Variants in HYAL4 observed in about 807,000 individuals in gnomAD.
HYAL4 encodes the protein hyaluronidase-4.
In HYAL4, 37 loss-of-function variants were observed where a neutral mutation model predicts 35.2. That is an observed-to-expected ratio of 1.05 (90% confidence interval 0.81 to 1.38). The LOEUF is 1.38. HYAL4 is among the 40% of genes most tolerant of loss of function. The pLI is 0.00. For missense variants in HYAL4, 572 were observed against 572.4 expected, an observed-to-expected ratio of 1.00 and a Z score of 0.01; for synonymous variants, 198 against 203.2, an observed-to-expected ratio of 0.97 and a Z score of 0.22.
chr7:123,794,412 C>G, the HYAL4 span, among the ~76,000 whole-genome samples: 2 of 152,314 alleles, frequency 1.3e-5, no homozygotes, highest in South Asian at 4.1e-4. Context: ...CAGGGCATGT[C>G]GAGACCTTTG....
At chr7:123,770,440 T>TAAAAAA in the HYAL4 span, among the ~76,000 whole-genome samples, 2 of 118,506 alleles carry the variant, frequency 1.7e-5, no homozygotes, top group Non-Finnish European at 3.6e-5. Context: ...AGACTCCATC[T>TAAAAAA]AAAAAAAAAA....
At chr7:123,851,479 G>A (rs1806304835) in intron 2 of HYAL4, among the ~76,000 whole-genome samples, 1 of 152,100 alleles carries the variant, frequency 6.6e-6, no homozygotes. Context: ...ACTTACGAGT[G>A]AGAACATGCG....
At chr7:123,872,037 A>T (rs1325970519) in intron 3 of HYAL4, among the ~76,000 whole-genome samples, 6 of 152,162 alleles carry the variant, frequency 3.9e-5, no homozygotes. Context: ...TACAGGGTGC[A>T]AGTGCAGTTT....
rs116802717 is a variant in HYAL4, at chr7:123,865,538, T to C, written c.-51-2685T>C. 3.9e-3 allele frequency among the ~76,000 whole-genome samples: 595 copies of C among 152,302 alleles called. 5 individuals carry two copies. The highest frequency in any genetic ancestry group is 0.014 in the African/African-American group (566 of 41,576). ...ATTCAGCTTTGTGCATGGAGGAGTA[T>C]ATTCAATAAATGAAAATATCTACCT... On this transcript the variant is annotated intron_variant, in intron 2 of 4. Transcript: ENST00000223026.
chr7:123,770,356 G>A, the HYAL4 span, among the ~76,000 whole-genome samples: 1 of 151,574 alleles, frequency 6.6e-6, no homozygotes, highest in African/African-American at 2.4e-5. Context: ...GCAGGAGAAT[G>A]GCGTGAACCC....
the HYAL4 span, among the ~76,000 whole-genome samples, chr7:123,781,544 A>C: frequency 6.7e-6 from 1 of 150,172 alleles, no homozygotes; most frequent in Non-Finnish European, 1.5e-5. Flanking sequence ...TTCTTTTCCA[A>C]ATCTCTCGTC....
the HYAL4 span, among the ~76,000 whole-genome samples, chr7:123,781,477 A>T: frequency 1.4e-5 from 2 of 142,926 alleles, no homozygotes; most frequent in African/African-American, 5.2e-5. Context: ...CCATATGCTG[A>T]ACGCTGGTTC....
At chr7:123,774,363 A>G in the HYAL4 span, among the ~76,000 whole-genome samples, 90 of 151,760 alleles carry the variant, frequency 5.9e-4, no homozygotes, top group Non-Finnish European at 1.0e-3. Context: ...TCTTGCTCCT[A>G]TGTTTTGCTC....
upstream of HYAL4, among the ~76,000 whole-genome samples, chr7:123,842,815 G>A (rs1018892845): frequency 2.6e-5 from 4 of 151,870 alleles, no homozygotes; most frequent in Non-Finnish European, 5.9e-5. Context: ...GACTAGGATT[G>A]CAACTCCTGC....
the HYAL4 span, among the ~76,000 whole-genome samples, chr7:123,765,189 C>G: frequency 1.3e-5 from 2 of 151,966 alleles, no homozygotes; most frequent in Non-Finnish European, 2.9e-5. Flanking sequence ...GTTAACAAAG[C>G]TATCAGTGAT....
chr7:123,808,112 A>G, the HYAL4 span, among the ~76,000 whole-genome samples: 36 of 151,940 alleles, frequency 2.4e-4, 1 homozygote, highest in East Asian at 6.4e-3. Flanking sequence ...AAGACCCTCC[A>G]TAAAAGAAAA....
At chr7:123,872,687 G>C (rs1015077557) in intron 3 of HYAL4, among the ~76,000 whole-genome samples, 2 of 152,180 alleles carry the variant, frequency 1.3e-5, no homozygotes, top group African/African-American at 4.8e-5. Flanking sequence ...CAAGCTTTCA[G>C]GTGGTCCCAA....
the HYAL4 span, among the ~76,000 whole-genome samples, chr7:123,799,312 C>T: frequency 6.6e-6 from 1 of 151,852 alleles, no homozygotes; most frequent in South Asian, 2.1e-4. Context: ...AATTTCATAG[C>T]TCCTTTTAAG....
the HYAL4 span, among the ~76,000 whole-genome samples, chr7:123,810,386 G>T: frequency 6.6e-6 from 1 of 152,088 alleles, no homozygotes; most frequent in Non-Finnish European, 1.5e-5. Flanking sequence ...CCATAATATA[G>T]TTCACAATAT....
intron 2 of HYAL4, among the ~76,000 whole-genome samples, chr7:123,851,254 TA>T (rs1562996817): frequency 6.6e-6 from 1 of 152,186 alleles, no homozygotes; most frequent in African/African-American, 2.4e-5. Flanking sequence ...AAAGTTTTTT[TA>T]AATTATACTT....
At chr7:123,843,043 G>A (rs978799731), upstream of HYAL4, among the ~76,000 whole-genome samples, 9 of 152,118 alleles carry the variant, frequency 5.9e-5, no homozygotes, top group African/African-American at 1.7e-4. Flanking sequence ...CTGTCATTAT[G>A]ATGTTAGCTT....
the HYAL4 span, among the ~76,000 whole-genome samples, chr7:123,768,085 A>G: frequency 1.3e-5 from 2 of 152,236 alleles, no homozygotes; most frequent in East Asian, 1.9e-4. Context: ...AGGTATGTGA[A>G]TAAATTTAAT....
intron 3 of HYAL4, among the ~76,000 whole-genome samples, chr7:123,872,203 G>A (rs1275532621): frequency 6.6e-6 from 1 of 152,032 alleles, no homozygotes; most frequent in Non-Finnish European, 1.5e-5. Context: ...ATTGCACTCT[G>A]TATGGCCATA....
At chr7:123,852,337 G>C (rs1271218717) in intron 2 of HYAL4, among the ~76,000 whole-genome samples, 1 of 152,150 alleles carries the variant, frequency 6.6e-6, no homozygotes, top group Admixed American at 6.5e-5. Context: ...GAATGGTAAT[G>C]CCTAGGTTTT....
Sources: allele counts gnomAD v4.1 joint callset (sites outside exome capture counted in the v4.1 genomes callset), GRCh38; gene constraint gnomAD v4.1.1; transcripts MANE v1.5; gene names NCBI Gene and HGNC (gene_info 2026-07-23, HGNC 2026-07-21).